The following PGAP1 variants were observed in gnomAD, a reference collection of about 807,000 sequenced individuals.
The protein encoded by PGAP1 is post-GPI attachment to proteins inositol deacylase 1, also known as GPI inositol-deacylase.
In PGAP1, 76 loss-of-function variants were observed where a neutral mutation model predicts 127.0. The observed-to-expected ratio is 0.60, with a 90% CI of 0.50 to 0.72. PGAP1 has a LOEUF of 0.72. PGAP1 is among the 30% of genes least tolerant of loss of function. The probability of loss-of-function intolerance (pLI) is 0.00; values close to 1 mark genes in which losing one functional copy is unlikely to be tolerated. For missense variants in PGAP1, 982 were observed against 1,071.3 expected (o/e 0.92, Z 1.16); for synonymous variants, 362 against 366.5 (o/e 0.99, Z 0.14).
At chr2:196,869,698 A>T (rs1013887750) in intron 19 of PGAP1, among the ~76,000 whole-genome samples, 1 of 152,194 alleles carries the variant, frequency 6.6e-6, no homozygotes, top group African/African-American at 2.4e-5. Flanking sequence ...CTAAGATTTT[A>T]ATCTTCTCTT....
In PGAP1 at chr2:196,920,057, G is replaced by T. The variant is rs1348421134; in HGVS notation, c.241C>A (p.Leu81Ile). 6.2e-7 allele frequency: 1 copy of T among 1,613,386 alleles called. No homozygotes were observed. Among genetic ancestry groups the T allele is most frequent in the Non-Finnish European group, 8.5e-7 (1 of 1,179,562 alleles). The change falls in exon 2 of 27, where the codon CTC becomes ATC. Residue 81 changes from leucine to isoleucine, a missense_variant. Transcript: ENST00000354764. Reference protein sequence around the residue: ...EGSYAEEHKILPLTGIPVLFL... With the variant: ...EGSYAEEHKIIPLTGIPVLFL... ...AGAACTGGAATACCCGTCAAAGGGA[G>T]AATTTTGTGTTCTTCAGCATAGGAT...
chr2:196,913,732 G>A (rs1477291697), intron 3 of PGAP1, among the ~76,000 whole-genome samples: 1 of 152,176 alleles, frequency 6.6e-6, no homozygotes, highest in African/African-American at 2.4e-5. Flanking sequence ...TTGTGCAGAA[G>A]AGTTAACATA....
At chr2:196,869,717 A>G (rs1701354249) in intron 19 of PGAP1, among the ~76,000 whole-genome samples, 1 of 152,230 alleles carries the variant, frequency 6.6e-6, no homozygotes, top group Non-Finnish European at 1.5e-5. Flanking sequence ...TTCCTAATTT[A>G]GCACAAAATT....
intron 20 of PGAP1, among the ~76,000 whole-genome samples, chr2:196,861,469 A>G (rs894012354): frequency 1.3e-5 from 2 of 152,208 alleles, no homozygotes; most frequent in South Asian, 4.1e-4. Context: ...AAACAACTCA[A>G]CAGCAAAACA....
chr2:196,875,085 T>G (rs1701523484), intron 14 of PGAP1, among the ~76,000 whole-genome samples: 1 of 152,108 alleles, frequency 6.6e-6, no homozygotes, highest in Non-Finnish European at 1.5e-5. Flanking sequence ...TTGAACAGTA[T>G]TCTTCAAAGG....
intron 3 of PGAP1, among the ~76,000 whole-genome samples, chr2:196,916,073 AGTT>A (rs1383040335): frequency 6.6e-6 from 1 of 152,206 alleles, no homozygotes; most frequent in Non-Finnish European, 1.5e-5. Context: ...CCAGTTTTAC[AGTT>A]GTTTACATAT....
In PGAP1 at chr2:196,926,555, G is replaced by A. The variant is rs1219515814; in HGVS notation, c.62C>T (p.Ala21Val). The A allele has an allele frequency of 1.2e-6, 2 of 1,614,134 alleles. No individual in the cohort carries two copies. Among genetic ancestry groups the A allele is most frequent in the Middle Eastern group, 1.6e-4 (1 of 6,062 alleles). ...LAFYVFMVFL[A>V]TLGLWDVFFG... ...GAAGACATCCCACAGCCCCAGGGTT[G>A]CCAGAAAGACCATGAAGACATAAAA... is the stretch of plus-strand genomic sequence containing the variant. The change falls in exon 1 of 27, where the codon GCA becomes GTA. Residue 21 changes from alanine (A) to valine (V), a missense_variant. Coordinates refer to ENST00000354764, the MANE Select transcript of PGAP1 (RefSeq NM_024989.4).
In PGAP1 at chr2:196,890,910, T is replaced by G; in HGVS notation, c.1091A>C (p.Glu364Ala). Residue 364 changes from glutamate (E) to alanine (A), a missense_variant and splice_region_variant, in exon 10 of 27, where the codon GAA (glutamate) becomes GCA (alanine). Coordinates refer to ENST00000354764, the MANE Select transcript of PGAP1 (RefSeq NM_024989.4). ...AAATGTAAAATATATCTTCTCAGAT[T>G]CCTACAAAAAGAAGGAAAACACTCA... is the stretch of plus-strand genomic sequence containing the variant. Reference protein sequence around the residue: ...VSKWTYVAYNESEKIYFTFPL... With the variant: ...VSKWTYVAYNASEKIYFTFPL... The G allele has an allele frequency of 6.8e-7, 1 of 1,477,690 alleles. No homozygotes were observed. The highest frequency in any genetic ancestry group is 9.5e-7 in the Non-Finnish European group (1 of 1,057,324). The allele number at this position is 1,477,690 out of a possible 1,614,324, so 91.5% of individuals were successfully genotyped here.
chr2:196,859,641 A>G (rs1700997296), intron 20 of PGAP1, among the ~76,000 whole-genome samples: 2 of 152,214 alleles, frequency 1.3e-5, no homozygotes, highest in South Asian at 2.1e-4. Context: ...ACTGACTTCA[A>G]CAACATATTA....
chr2:196,873,533 A>G lies in PGAP1; in HGVS notation c.1547T>C (p.Val516Ala). Reference sequence around the variant, plus strand: ...TTTTTAGAAAACATATTTACCTTTGACTGCTGAGCACTTGCTTACCACGTT... The same window carrying G: ...TTTTTAGAAAACATATTTACCTTTGGCTGCTGAGCACTTGCTTACCACGTT... Reference protein sequence around the residue: ...KINVVSKCSAVKEEITSIYRL... With the variant: ...KINVVSKCSAAKEEITSIYRL... Residue 516 changes from valine to alanine, a missense_variant, in exon 16 of 27, where the codon GTC (valine) becomes GCC (alanine). By Grantham distance (64) the Val-to-Ala change is moderately conservative. Coordinates refer to ENST00000354764, the MANE Select transcript of PGAP1 (RefSeq NM_024989.4). 6 of 1,607,700 alleles carry G rather than the reference A, an allele frequency of 3.7e-6. No homozygotes were observed. Among genetic ancestry groups the G allele is most frequent in the Non-Finnish European group, 5.1e-6 (6 of 1,176,480 alleles).
At chr2:196,918,782 T>C (rs909465688) in intron 2 of PGAP1, among the ~76,000 whole-genome samples, 2 of 152,214 alleles carry the variant, frequency 1.3e-5, no homozygotes, top group African/African-American at 4.8e-5. Context: ...ACTTCTTGAC[T>C]AGGGTTTTGG....
intron 20 of PGAP1, among the ~76,000 whole-genome samples, chr2:196,851,351 C>A (rs142881960): frequency 1.6e-4 from 25 of 152,212 alleles, no homozygotes; most frequent in Non-Finnish European, 2.8e-4. Context: ...ATCTGCCCAG[C>A]AACTACTTGT....
intron 19 of PGAP1, among the ~76,000 whole-genome samples, chr2:196,867,660 T>C (rs1253481485): frequency 6.6e-6 from 1 of 152,204 alleles, no homozygotes; most frequent in Non-Finnish European, 1.5e-5. Context: ...AATGTCACAT[T>C]ATTAAAAGTA....
chr2:196,903,095 C>T (rs894402626), intron 4 of PGAP1, among the ~76,000 whole-genome samples: 36 of 151,816 alleles, frequency 2.4e-4, no homozygotes, highest in African/African-American at 8.0e-4. Flanking sequence ...TAATATTCTT[C>T]GAAAGATAAG....
intron 10 of PGAP1, among the ~76,000 whole-genome samples, chr2:196,887,040 A>G (rs938906176): frequency 1.3e-5 from 2 of 152,198 alleles, no homozygotes; most frequent in Admixed American, 6.5e-5. Context: ...AAAGCTGGTT[A>G]TGGTTCATCA....
intron 22 of PGAP1, among the ~76,000 whole-genome samples, chr2:196,846,247 T>C (rs1409566676): frequency 1.3e-5 from 2 of 152,190 alleles, no homozygotes; most frequent in Non-Finnish European, 2.9e-5. Context: ...CTATAGCTGA[T>C]ACTTGTACTA....
At chr2:196,904,660 G>A (rs906670977) in intron 4 of PGAP1, among the ~76,000 whole-genome samples, 6 of 152,062 alleles carry the variant, frequency 3.9e-5, no homozygotes, top group South Asian at 4.1e-4. Context: ...CCCAGGAGGC[G>A]GAGGTTGCAG....
chr2:196,857,036 T>C (rs1056075376), intron 20 of PGAP1, among the ~76,000 whole-genome samples: 1 of 152,184 alleles, frequency 6.6e-6, no homozygotes, highest in African/African-American at 2.4e-5. Context: ...CTTTCTGAAG[T>C]CCTTGCCAGA....
chr2:196,883,961 A>C lies in PGAP1; in HGVS notation c.1272+1463T>G, dbSNP rs536350038. 2.8e-4 allele frequency among the ~76,000 whole-genome samples: 42 copies of C among 152,288 alleles called. 1 individual carries two copies. In the South Asian group the frequency reaches 8.3e-3, roughly 30 times the overall value. On this transcript the variant is annotated intron_variant, in intron 12 of 26. Transcript: ENST00000354764. ...TTTGCCATGAAAAGTAGGCAGCTGAAATAGCTTGTTCTCCTGCTGTTCAGC... is the reference window on the plus strand; with the variant it reads ...TTTGCCATGAAAAGTAGGCAGCTGACATAGCTTGTTCTCCTGCTGTTCAGC...
Sources: gnomAD v4.1 joint callset for allele counts (sites outside exome capture counted in the v4.1 genomes callset) on GRCh38, gnomAD v4.1.1 for gene constraint, MANE v1.5 for transcripts, NCBI Gene and HGNC (gene_info 2026-07-23, HGNC 2026-07-21) for gene names.